RBM15: variants seen among roughly 807,000 people sequenced by gnomAD.
The protein encoded by RBM15 is RNA-binding protein 15.
A neutral mutation model predicts 62.6 loss-of-function variants in RBM15; 8 were observed. That is an observed-to-expected ratio of 0.13 (90% confidence interval 0.07 to 0.23). The LOEUF (loss-of-function observed/expected upper bound fraction) is 0.23. RBM15 is among the 10% of genes least tolerant of loss of function. The pLI, the probability that RBM15 is intolerant of heterozygous loss-of-function variation, is 1.00. For missense variants in RBM15, 1,144 were observed against 1,286.5 expected (o/e 0.89, Z 1.69); for synonymous variants, 606 against 505.7 (o/e 1.20, Z -2.66).
Position 110,346,508 on chromosome 1 carries a change from G to A in RBM15, c.*241G>A. The A allele has an allele frequency of 4.1e-6, 3 of 730,062 alleles. No individual in the cohort carries two copies. Among genetic ancestry groups the A allele is most frequent in the Non-Finnish European group, 6.9e-6 (3 of 433,978 alleles). The allele number at this position is 730,062 out of a possible 1,614,324, so 45.2% of individuals were successfully genotyped here. On this transcript the variant is annotated 3_prime_UTR_variant, in exon 3 of 3. Transcript: ENST00000369784. ...TGATGCCAATGCCGGTGTTTTAAGT[G>A]GAAAAAAAATGACCTCTTTGATTTG...
intron 2 of RBM15, 84 bp from the exon 3 acceptor site, chr1:110,346,224 C>A: frequency 7.2e-7 from 1 of 1,398,262 alleles, no homozygotes; most frequent in Non-Finnish European, 9.9e-7. Flanking sequence ...TTATGTTCAT[C>A]TATAATGGCA....
At position 110,339,768 on chromosome 1, in the gene RBM15, C is replaced by T. The variant is rs373658281; in HGVS notation, c.363C>T (p.Ser121=). Residue 121 remains serine (S), a synonymous_variant, in exon 1 of 3, where the codon AGC becomes AGT. Coordinates refer to ENST00000369784, the MANE Select transcript of RBM15 (RefSeq NM_022768.5). ...EYDTGGGSSS[S]RLHSYSSPST... is the part of the protein sequence containing the mutation. ...ATACCGGTGGGGGCAGCTCCAGTAG[C>T]CGCTTGCATAGTTATAGCTCCCCGA... 2.6e-5 allele frequency: 42 copies of T among 1,609,936 alleles called. No homozygotes were observed. The highest frequency in any genetic ancestry group is 4.0e-5 in the African/African-American group (3 of 74,846).
intron 1 of RBM15, among the ~76,000 whole-genome samples, chr1:110,345,080 C>T (rs924734389): frequency 6.6e-6 from 1 of 152,156 alleles, no homozygotes; most frequent in African/African-American, 2.4e-5. Flanking sequence ...TGTACTTTGA[C>T]TCTCAACTGA....
At chr1:110,343,943 C>T in intron 1 of RBM15, among the ~76,000 whole-genome samples, 1 of 152,158 alleles carries the variant, frequency 6.6e-6, no homozygotes, top group Non-Finnish European at 1.5e-5. Context: ...TGTGTCATCC[C>T]TCTTGGTTTT....
Position 110,340,194 on chromosome 1 carries a change from A to G in RBM15, c.789A>G (p.Lys263=). ...SRRRSRSPLD[K]DTYPPSASVV... ...GCCGCAGCCGCTCCCCTTTAGACAA[A>G]GATACTTATCCTCCATCAGCCAGTG... Residue 263 remains lysine (K), a synonymous_variant, in exon 1 of 3, where the codon AAA becomes AAG. Transcript: ENST00000369784. The surrounding 1 kb of genome is among the most constrained non-coding windows in gnomAD (Gnocchi z 5.8). The G allele has an allele frequency of 1.9e-6, 3 of 1,614,104 alleles. No individual in the cohort carries two copies. The highest frequency in any genetic ancestry group is 2.5e-6 in the Non-Finnish European group (3 of 1,179,976).
Position 110,346,389 on chromosome 1 carries a change from G to C in RBM15, c.*122G>C, listed in dbSNP as rs1224472367. ...TTGAAGAGAAGTTGTGGCTTATGTG[G>C]AGTTTACATGGGCCTCTGATGGAAG... On this transcript the variant is annotated 3_prime_UTR_variant, in exon 3 of 3. Coordinates refer to ENST00000369784, the MANE Select transcript of RBM15 (RefSeq NM_022768.5). 9.0e-6 allele frequency: 14 copies of C among 1,561,300 alleles called. No individual in the cohort carries two copies. Among genetic ancestry groups the C allele is most frequent in the Non-Finnish European group, 1.2e-5 (14 of 1,146,542 alleles).
chr1:110,339,630 G>C lies in RBM15; in HGVS notation c.225G>C (p.Gly75=), dbSNP rs561084556. ...TSRGERSKKL[G]GSGGSNGSSS... is the part of the protein sequence containing the mutation. Reference sequence around the variant, plus strand: ...GCGGTGAGCGGAGCAAGAAGTTAGGGGGCTCTGGTGGCAGCAATGGGAGCA... The same window carrying C: ...GCGGTGAGCGGAGCAAGAAGTTAGGCGGCTCTGGTGGCAGCAATGGGAGCA... Residue 75 remains glycine (G), a synonymous_variant, in exon 1 of 3, where the codon GGG becomes GGC. Transcript: ENST00000369784. The C allele has an allele frequency of 3.1e-6, 5 of 1,613,160 alleles. No individual in the cohort carries two copies. The African/African-American group carries it at 6.7e-5, about 22-fold the overall frequency.
chr1:110,340,099 A>C lies in RBM15; in HGVS notation c.694A>C (p.Lys232Gln). 6.2e-7 allele frequency: 1 copy of C among 1,613,886 alleles called. No homozygotes were observed. Among genetic ancestry groups the C allele is most frequent in the Non-Finnish European group, 8.5e-7 (1 of 1,179,988 alleles). Residue 232 changes from lysine to glutamine, a missense_variant, in exon 1 of 3, where the codon AAG (lysine) becomes CAG (glutamine). By Grantham distance (53) the Lys-to-Gln change is moderately conservative (BLOSUM62 1). Around this residue, in one of 8 missense-constraint regions of RBM15, gnomAD observed 188 missense variants for 185.6 expected, o/e 1.01. Transcript: ENST00000369784. This position sits in a 1 kb window ranked among gnomAD's most constrained non-coding sequence, Gnocchi z 5.8. The part of the protein sequence containing the change: ...FRRPEDARAA[K>Q]HARGRLVLYD... ...GCGGCCAGAGGACGCGCGGGCGGCC[A>C]AGCATGCCAGAGGCCGCCTGGTGCT...
chr1:110,339,738 G>C lies in RBM15; in HGVS notation c.333G>C (p.Glu111Asp). ...DKSSSRGGSR[E>D]YDTGGGSSSS... ...CCAGCAGTCGAGGTGGCAGCCGCGA[G>C]TATGATACCGGTGGGGGCAGCTCCA... Residue 111 changes from glutamate to aspartate, a missense_variant, in exon 1 of 3, where the codon GAG (glutamate) becomes GAC (aspartate). This residue lies in a region of RBM15 where 298 missense variants were observed against 250.0 expected (regional missense o/e 1.19). Transcript: ENST00000369784. The C allele has an allele frequency of 6.2e-7, 1 of 1,612,846 alleles. No homozygotes were observed. The highest frequency in any genetic ancestry group is 8.5e-7 in the Non-Finnish European group (1 of 1,179,716).
rs1460080467 is a variant in RBM15, at chr1:110,345,602, T to C, written c.2927T>C (p.Leu976Pro). 1.9e-6 allele frequency: 3 copies of C among 1,611,378 alleles called. No individual in the cohort carries two copies. The Admixed American group carries it at 5.0e-5, about 27-fold the overall frequency. ...AAGAGAGAAAACTTGGCGCTGACCC[T>C]GTTATAGTGGTTATAGTGGTGTCCC... ...NKKRENLALT[L>P]L Residue 976 changes from leucine (L) to proline (P), a missense_variant, in exon 2 of 3, where the codon CTG (leucine) becomes CCG (proline). Leu to Pro is a moderately conservative substitution (Grantham distance 98). Around this residue, in one of 8 missense-constraint regions of RBM15, gnomAD observed 144 missense variants for 223.3 expected, o/e 0.64. Coordinates refer to ENST00000369784, the MANE Select transcript of RBM15 (RefSeq NM_022768.5).
chr1:110,339,463 G>T lies in RBM15; in HGVS notation c.58G>T (p.Val20Phe). The T allele has an allele frequency of 1.9e-6, 3 of 1,557,528 alleles. No individual in the cohort carries two copies. The highest frequency in any genetic ancestry group is 2.6e-6 in the Non-Finnish European group (3 of 1,148,966). Reference protein sequence around the residue: ...PRRSPRWRRAVPLCETSAGRR... With the variant: ...PRRSPRWRRAFPLCETSAGRR... ...GCGGAGTCCAAGATGGCGGCGTGCGGTTCCGCTGTGTGAAACGAGCGCGGG... is the reference window on the plus strand; with the variant it reads ...GCGGAGTCCAAGATGGCGGCGTGCGTTTCCGCTGTGTGAAACGAGCGCGGG... The change falls in exon 1 of 3, where the codon GTT (valine) becomes TTT (phenylalanine). Residue 20 changes from valine (V) to phenylalanine (F), a missense_variant. Transcript: ENST00000369784.
At position 110,339,883 on chromosome 1, in the gene RBM15, G is replaced by T. The variant is rs1233740813; in HGVS notation, c.478G>T (p.Ala160Ser). ...ESRSSGAASS[A>S]PGGGDGAEYK... The stretch of plus-strand genomic sequence containing the variant: ...ACGTTCCTCTGGGGCCGCCTCCTCA[G>T]CTCCCGGCGGCGGGGACGGCGCGGA... The change falls in exon 1 of 3, where the codon GCT (alanine) becomes TCT (serine). Residue 160 changes from alanine to serine, a missense_variant. This residue lies in a region of RBM15 where 298 missense variants were observed against 250.0 expected (regional missense o/e 1.19). Transcript: ENST00000369784. 7 of 1,604,328 alleles carry T rather than the reference G, an allele frequency of 4.4e-6. No homozygotes were observed. The East Asian group carries it at 1.6e-4, about 36-fold the overall frequency.
Position 110,346,448 on chromosome 1 carries a change from T to C in RBM15, c.*181T>C. On this transcript the variant is annotated 3_prime_UTR_variant, in exon 3 of 3. Transcript: ENST00000369784. Reference sequence around the variant, plus strand: ...TCTGTTTAGTATTTGTGCATTTTACTAAAATGGCAGCTTAAAGTTGTGTAT... The same window carrying C: ...TCTGTTTAGTATTTGTGCATTTTACCAAAATGGCAGCTTAAAGTTGTGTAT... 8.0e-7 allele frequency: 1 copy of C among 1,245,232 alleles called. No homozygotes were observed. The allele number at this position is 1,245,232 out of a possible 1,614,324, so 77.1% of individuals were successfully genotyped here. A position where few individuals can be genotyped will look rare whatever the true frequency, so the allele number is the denominator to read the frequency against.
Position 110,341,413 on chromosome 1 carries a change from T to C in RBM15, c.2008T>C (p.Ser670Pro), listed in dbSNP as rs760928336. 15 of 1,614,010 alleles carry C rather than the reference T, an allele frequency of 9.3e-6. No individual in the cohort carries two copies. Among genetic ancestry groups the C allele is most frequent in the East Asian group, 4.5e-5 (2 of 44,866 alleles). Reference protein sequence around the residue: ...DRPRKRHCAPSPDRSPELSSS... With the variant: ...DRPRKRHCAPPPDRSPELSSS... ...CCCACGAAAACGTCACTGCGCTCCT[T>C]CTCCTGACCGCAGTCCAGAATTGAG... is the stretch of plus-strand genomic sequence containing the variant. Residue 670 changes from serine to proline, a missense_variant, in exon 1 of 3, where the codon TCT (serine) becomes CCT (proline). By Grantham distance (74) the Ser-to-Pro change is moderately conservative. Around this residue, in one of 8 missense-constraint regions of RBM15, gnomAD observed 360 missense variants for 342.9 expected, o/e 1.05. Transcript: ENST00000369784. This position sits in a 1 kb window ranked among gnomAD's most constrained non-coding sequence, Gnocchi z 4.5.
Position 110,340,194 on chromosome 1 carries a change from A to C in RBM15, c.789A>C (p.Lys263Asn). 6.2e-7 allele frequency: 1 copy of C among 1,614,104 alleles called. No individual in the cohort carries two copies. The highest frequency in any genetic ancestry group is 1.1e-5 in the South Asian group (1 of 91,082). Residue 263 changes from lysine to asparagine, a missense_variant, in exon 1 of 3, where the codon AAA becomes AAC. Transcript: ENST00000369784. This position sits in a 1 kb window ranked among gnomAD's most constrained non-coding sequence, Gnocchi z 5.8. ...GCCGCAGCCGCTCCCCTTTAGACAA[A>C]GATACTTATCCTCCATCAGCCAGTG... Reference protein sequence around the residue: ...SRRRSRSPLDKDTYPPSASVV... With the variant: ...SRRRSRSPLDNDTYPPSASVV...
chr1:110,341,543 A>G lies in RBM15; in HGVS notation c.2138A>G (p.Gln713Arg). The G allele has an allele frequency of 6.2e-7, 1 of 1,614,098 alleles. No homozygotes were observed. The highest frequency in any genetic ancestry group is 8.5e-7 in the Non-Finnish European group (1 of 1,180,038). Reference protein sequence around the residue: ...RDRRGSLEKSQGDKRDRKNSA... With the variant: ...RDRRGSLEKSRGDKRDRKNSA... The stretch of plus-strand genomic sequence containing the variant: ...AGACGAGGTAGTTTGGAGAAGAGCC[A>G]GGGTGACAAGCGAGACCGTAAAAAC... The change falls in exon 1 of 3, where the codon CAG becomes CGG. Residue 713 changes from glutamine to arginine, a missense_variant. Gln to Arg is a conservative substitution (Grantham distance 43, BLOSUM62 1). Around this residue, in one of 8 missense-constraint regions of RBM15, gnomAD observed 360 missense variants for 342.9 expected, o/e 1.05. Transcript: ENST00000369784. This position sits in a 1 kb window ranked among gnomAD's most constrained non-coding sequence, Gnocchi z 4.5.
At position 110,340,169 on chromosome 1, in the gene RBM15, G is replaced by T; in HGVS notation, c.764G>T (p.Arg255Leu). 1 of 1,613,932 alleles carries T rather than the reference G, an allele frequency of 6.2e-7. No homozygotes were observed. Among genetic ancestry groups the T allele is most frequent in the South Asian group, 1.1e-5 (1 of 91,074 alleles). The change falls in exon 1 of 3, where the codon CGC (arginine) becomes CTC (leucine). Residue 255 changes from arginine to leucine, a missense_variant. By Grantham distance (102) the Arg-to-Leu change is moderately radical (BLOSUM62 -2). Transcript: ENST00000369784. The surrounding 1 kb of genome is among the most constrained non-coding windows in gnomAD (Gnocchi z 5.8). The stretch of plus-strand genomic sequence containing the variant: ...ATAGAAGCTGTGTATGTGAGCCGGC[G>T]CCGCAGCCGCTCCCCTTTAGACAAA... ...LKIEAVYVSRRRSRSPLDKDT... is the reference protein window; with the variant it reads ...LKIEAVYVSRLRSRSPLDKDT...
intron 1 of RBM15, 41 bp downstream of exon 1, chr1:110,342,309 T>G (rs1660816987): frequency 1.3e-6 from 2 of 1,484,612 alleles, no homozygotes; most frequent in African/African-American, 1.4e-5. Flanking sequence ...TTTACTACTT[T>G]GACATGGTTC....
In RBM15 at chr1:110,340,382, A is replaced by G. The variant is rs772944924; in HGVS notation, c.977A>G (p.Asp326Gly). ...PPPPPPPLPRDLERERDYPFY... is the reference protein window; with the variant it reads ...PPPPPPPLPRGLERERDYPFY... ...CCACCTCCGCCACCATTGCCTCGAG[A>G]CCTGGAGAGAGAAAGAGACTACCCG... The change falls in exon 1 of 3, where the codon GAC becomes GGC. Residue 326 changes from aspartate to glycine, a missense_variant. Around this residue, in one of 8 missense-constraint regions of RBM15, gnomAD observed 188 missense variants for 185.6 expected, o/e 1.01. Transcript: ENST00000369784. The surrounding 1 kb of genome is among the most constrained non-coding windows in gnomAD (Gnocchi z 5.8). The G allele has an allele frequency of 7.4e-6, 12 of 1,613,966 alleles. No individual in the cohort carries two copies. The highest frequency in any genetic ancestry group is 1.3e-5 in the African/African-American group (1 of 74,876).
Sources: gnomAD v4.1 joint callset for allele counts (sites outside exome capture counted in the v4.1 genomes callset) on GRCh38, gnomAD v4.1.1 for gene constraint, gnomAD v4.1.1 regional missense constraint, Gnocchi (gnomAD v3.1) non-coding constraint, MANE v1.5 for transcripts, NCBI Gene and HGNC (gene_info 2026-07-23, HGNC 2026-07-21) for gene names.